The following PLCH1 variants were observed in gnomAD, a reference collection of about 807,000 sequenced individuals.
The protein encoded by PLCH1 is phospholipase C eta 1, also known as 1-phosphatidylinositol 4,5-bisphosphate phosphodiesterase eta-1.
A neutral mutation model predicts 126.7 loss-of-function variants in PLCH1; 60 were observed. The observed-to-expected ratio is 0.47, with a 90% CI of 0.38 to 0.59. The LOEUF is 0.59. Among genes scored for constraint, PLCH1 ranks in the 20% least tolerant of loss-of-function variants. PLCH1 has a pLI of 0.00. For synonymous variants in PLCH1, 719 were observed against 734.9 expected (o/e 0.98, Z 0.35); for missense variants, 1,723 against 2,040.0 (o/e 0.84, Z 2.99).
At chr3:155,541,235 G>A (rs533952909) in intron 10 of PLCH1, among the ~76,000 whole-genome samples, 2 of 152,268 alleles carry the variant, frequency 1.3e-5, no homozygotes, top group South Asian at 2.1e-4. Flanking sequence ...GGACTCGGGT[G>A]AAAGAGTGGG....
intron 4 of PLCH1, among the ~76,000 whole-genome samples, chr3:155,590,740 A>G (rs1732053978): frequency 6.6e-6 from 1 of 152,170 alleles, no homozygotes; most frequent in South Asian, 2.1e-4. Context: ...ACAGAGCGAG[A>G]CTCCGCCTCA....
chr3:155,671,030 A>C (rs891572454), intron 2 of PLCH1, among the ~76,000 whole-genome samples: 2 of 152,234 alleles, frequency 1.3e-5, no homozygotes, highest in Non-Finnish European at 2.9e-5. Flanking sequence ...ACCTTTTACA[A>C]AAACAGGCAA....
chr3:155,741,684 C>CTTTTATTTTTTTTTTTTTTTAT, intron 1 of PLCH1, among the ~76,000 whole-genome samples: 1 of 102,868 alleles, frequency 9.7e-6, no homozygotes, highest in African/African-American at 4.8e-5. Context: ...TTTATATCCT[C>CTTTTATTTTTTTTTTTTTTTAT]TTTTTTTTTT....
chr3:155,653,280 T>A (rs1024196645), intron 2 of PLCH1, among the ~76,000 whole-genome samples: 2 of 152,194 alleles, frequency 1.3e-5, no homozygotes, highest in South Asian at 4.1e-4. Context: ...TGACCTCCCA[T>A]GGGCTGGGAT....
At chr3:155,543,962 A>G (rs895656995) in intron 10 of PLCH1, among the ~76,000 whole-genome samples, 6 of 152,076 alleles carry the variant, frequency 3.9e-5, no homozygotes, top group African/African-American at 1.4e-4. Context: ...CATCGAGGCT[A>G]GGAAGAAACT....
intron 2 of PLCH1, among the ~76,000 whole-genome samples, chr3:155,610,833 T>C (rs1347851541): frequency 1.3e-5 from 2 of 151,324 alleles, no homozygotes; most frequent in African/African-American, 4.9e-5. Context: ...TTCAGAAAAC[T>C]AGCATGATGA....
chr3:155,624,620 C>T (rs1339331909), intron 2 of PLCH1, among the ~76,000 whole-genome samples: 1 of 151,812 alleles, frequency 6.6e-6, no homozygotes, highest in Non-Finnish European at 1.5e-5. Context: ...AGAGCCAAAC[C>T]ATGAGTGAAC....
At chr3:155,459,054 A>G (rs1712613786) in intron 21 of PLCH1, among the ~76,000 whole-genome samples, 1 of 152,226 alleles carries the variant, frequency 6.6e-6, no homozygotes, top group Admixed American at 6.5e-5. Flanking sequence ...AAGCTGTGAC[A>G]TTAGAATTAC....
At chr3:155,587,794 T>G (rs188316660) in intron 4 of PLCH1, among the ~76,000 whole-genome samples, 1 of 152,328 alleles carries the variant, frequency 6.6e-6, no homozygotes, top group Admixed American at 6.5e-5. Context: ...AATTGAAAAT[T>G]CCCAGTTAAC....
intron 1 of PLCH1, among the ~76,000 whole-genome samples, chr3:155,715,758 G>A (rs1016782502): frequency 6.6e-6 from 1 of 151,734 alleles, no homozygotes; most frequent in Non-Finnish European, 1.5e-5. Flanking sequence ...AACTACAGGT[G>A]TACACCACCA....
chr3:155,559,760 A>G (rs371165340), intron 8 of PLCH1, among the ~76,000 whole-genome samples: 11 of 152,180 alleles, frequency 7.2e-5, no homozygotes, highest in Admixed American at 5.9e-4. Flanking sequence ...TACAGAGCCA[A>G]GTAGCTTCTT....
intron 21 of PLCH1, among the ~76,000 whole-genome samples, chr3:155,456,333 G>T (rs530184666): frequency 6.8e-5 from 8 of 117,656 alleles, no homozygotes; most frequent in African/African-American, 1.1e-4. Context: ...TAGCTAATGA[G>T]CTAAAAAAAA....
At chr3:155,530,500 G>A (rs1439131833) in intron 10 of PLCH1, among the ~76,000 whole-genome samples, 1 of 151,974 alleles carries the variant, frequency 6.6e-6, no homozygotes, top group African/African-American at 2.4e-5. Flanking sequence ...TGTATTTTTA[G>A]TAGAGACGGG....
At chr3:155,551,410 A>G (rs1726095745) in intron 9 of PLCH1, among the ~76,000 whole-genome samples, 1 of 129,018 alleles carries the variant, frequency 7.8e-6, no homozygotes. Flanking sequence ...ATGCCACTGC[A>G]CTCCAGCATG....
At chr3:155,515,321 A>G (rs1408519671) in intron 11 of PLCH1, among the ~76,000 whole-genome samples, 3 of 152,250 alleles carry the variant, frequency 2.0e-5, no homozygotes, top group African/African-American at 7.2e-5. Context: ...AGGCCAGGGA[A>G]AGTTTTTGGA....
chr3:155,564,474 A>C (rs1475119731), intron 8 of PLCH1, among the ~76,000 whole-genome samples: 1 of 152,190 alleles, frequency 6.6e-6, no homozygotes, highest in East Asian at 1.9e-4. Flanking sequence ...CTGAGGAAGG[A>C]GAATCGCTTG....
chr3:155,480,595 T>A lies in PLCH1; in HGVS notation c.*373A>T, dbSNP rs751305560. ...TCGTTTGCAAAGTCTCTTAATCAACTCAACAGTTAGAGAGTAAAAATGACT... is the reference window on the plus strand; with the variant it reads ...TCGTTTGCAAAGTCTCTTAATCAACACAACAGTTAGAGAGTAAAAATGACT... On this transcript the variant is annotated 3_prime_UTR_variant, in exon 23 of 23. Transcript: ENST00000460012. The A allele has an allele frequency of 3.8e-4, 66 of 172,790 alleles. No individual in the cohort carries two copies. Among genetic ancestry groups the A allele is most frequent in the Non-Finnish European group, 6.8e-4 (55 of 80,636 alleles). 10.7% of individuals were successfully genotyped at this position (172,790 alleles called of 1,614,324 possible).
intron 2 of PLCH1, among the ~76,000 whole-genome samples, chr3:155,673,236 C>T (rs1438275399): frequency 6.6e-6 from 1 of 151,924 alleles, no homozygotes; most frequent in Non-Finnish European, 1.5e-5. Context: ...CCTTTGCTGA[C>T]TTCTCCATAC....
At chr3:155,663,004 A>C (rs1742348990) in intron 2 of PLCH1, among the ~76,000 whole-genome samples, 1 of 152,096 alleles carries the variant, frequency 6.6e-6, no homozygotes, top group Non-Finnish European at 1.5e-5. Flanking sequence ...TTTTGGCTAT[A>C]ATTTAAAAAA....
Sources: allele counts gnomAD v4.1 joint callset (sites outside exome capture counted in the v4.1 genomes callset), GRCh38; gene constraint gnomAD v4.1.1; transcripts MANE v1.5; gene names NCBI Gene and HGNC (gene_info 2026-07-23, HGNC 2026-07-21).